The following CERS6 variants were observed in gnomAD, a reference collection of about 807,000 sequenced individuals.
CERS6 encodes the protein ceramide synthase 6, also known as LAG1 homolog, ceramide synthase 6.
CERS6 carries 26 observed loss-of-function variants against 56.8 expected under a neutral mutation model. That is an observed-to-expected ratio of 0.46 (90% CI 0.34 to 0.63). CERS6 has a LOEUF of 0.63. CERS6 is among the 30% of genes least tolerant of loss of function. The pLI, the probability that CERS6 is intolerant of heterozygous loss-of-function variation, is 0.01. For missense variants in CERS6, 415 were observed against 467.5 expected, an observed-to-expected ratio of 0.89 and a Z score of 1.04; for synonymous variants, 164 against 173.3, an observed-to-expected ratio of 0.95 and a Z score of 0.42.
intron 5 of CERS6, among the ~76,000 whole-genome samples, chr2:168,694,337 C>T (rs1406757067): frequency 6.6e-6 from 1 of 152,110 alleles, no homozygotes; most frequent in African/African-American, 2.4e-5. Context: ...AGTTTTATAC[C>T]TGCTGAGCTG....
Position 168,622,636 on chromosome 2 carries a change from A to G in CERS6, c.408-8349A>G, listed in dbSNP as rs75736102. ...TTTGACTGGAGAATGAAAAGTGAAT[A>G]GGTGAATGGGTTTGACTTACCTCCA... On this transcript the variant is annotated intron_variant, in intron 3 of 9. Transcript: ENST00000305747. Among the ~76,000 whole-genome samples the G allele has an allele frequency of 2.8e-3, 427 of 152,340 alleles. 4 individuals are homozygous for G. The highest frequency in any genetic ancestry group is 9.4e-3 in the African/African-American group (390 of 41,594).
intron 3 of CERS6, among the ~76,000 whole-genome samples, chr2:168,627,631 G>GT (rs34768130): frequency 2.8e-5 from 4 of 145,170 alleles, no homozygotes; most frequent in African/African-American, 5.0e-5. Context: ...GAACACTGAA[G>GT]TTTTTTTTTT....
chr2:168,464,209 T>TGTGTGTGTGA (rs1212516263), intron 1 of CERS6, among the ~76,000 whole-genome samples: 1 of 149,008 alleles, frequency 6.7e-6, no homozygotes, highest in Non-Finnish European at 1.5e-5. Flanking sequence ...TGTGTGTGTG[T>TGTGTGTGTGA]GTGACAAGGG....
intron 1 of CERS6, among the ~76,000 whole-genome samples, chr2:168,487,869 A>G (rs191086489): frequency 8.2e-4 from 125 of 152,240 alleles, no homozygotes; most frequent in Non-Finnish European, 1.1e-3. Context: ...CGTGTGTGCC[A>G]TGACATCCAG....
chr2:168,688,003 C>G (rs1686399641), intron 4 of CERS6, among the ~76,000 whole-genome samples: 1 of 152,112 alleles, frequency 6.6e-6, no homozygotes, highest in Non-Finnish European at 1.5e-5. Flanking sequence ...AATGACTGAC[C>G]CAAAATTTGG....
intron 3 of CERS6, among the ~76,000 whole-genome samples, chr2:168,585,598 G>A (rs1683522099): frequency 6.6e-6 from 1 of 152,238 alleles, no homozygotes. Context: ...CACCATGCCT[G>A]TGGTGTGGCA....
At chr2:168,677,465 G>A (rs1686093173) in intron 4 of CERS6, among the ~76,000 whole-genome samples, 2 of 152,060 alleles carry the variant, frequency 1.3e-5, no homozygotes, top group Admixed American at 6.5e-5. Context: ...TGTGAATAGT[G>A]CTGCGGTAAA....
chr2:168,680,871 CTG>C (rs1046562156), intron 4 of CERS6, among the ~76,000 whole-genome samples: 32 of 152,182 alleles, frequency 2.1e-4, no homozygotes, highest in Admixed American at 1.3e-4. Context: ...CTGTGATATT[CTG>C]TTATAGCAGC....
Position 168,631,844 on chromosome 2 carries a change from A to ATATATAT in CERS6, c.465+814_465+820dup, listed in dbSNP as rs1491229253. Among the ~76,000 whole-genome samples the ATATATAT allele has an allele frequency of 3.9e-5, 5 of 128,612 alleles. 1 individual carries two copies. The East Asian group carries it at 1.1e-3, about 29-fold the overall frequency. The allele number at this position is 128,612 out of a possible 152,430, so 84.4% of individuals were successfully genotyped here. ...TATATTATATAATATATATTATATA[A>ATATATAT]TATATATTATATATTATACATTTAT... On this transcript the variant is annotated intron_variant, in intron 4 of 9. Coordinates refer to ENST00000305747, the MANE Select transcript of CERS6 (RefSeq NM_203463.3).
chr2:168,698,236 GAAAAAAAAAAAAAAAAAAGAAAAA>G (rs201355417), intron 6 of CERS6, among the ~76,000 whole-genome samples: 631 of 124,948 alleles, frequency 5.1e-3, no homozygotes, highest in Non-Finnish European at 7.0e-3. Flanking sequence ...TGTCTCACAG[GAAAAAAAAAAAAAAAAAAGAAAAA>G]AAAAAAAAAA....
At chr2:168,696,270 A>G (rs1046090397) in intron 6 of CERS6, among the ~76,000 whole-genome samples, 1 of 152,158 alleles carries the variant, frequency 6.6e-6, no homozygotes, top group South Asian at 2.1e-4. Flanking sequence ...GTTCTTCTCC[A>G]GTAACCCTTA....
At chr2:168,645,473 T>G (rs1685176995) in intron 4 of CERS6, among the ~76,000 whole-genome samples, 1 of 151,966 alleles carries the variant, frequency 6.6e-6, no homozygotes, top group South Asian at 2.1e-4. Context: ...ACCCTGTTCC[T>G]TATTTTGCCT....
intron 1 of CERS6, among the ~76,000 whole-genome samples, chr2:168,538,141 C>G (rs1206099836): frequency 6.6e-6 from 1 of 151,662 alleles, no homozygotes; most frequent in African/African-American, 2.4e-5. Context: ...TCTGTCTGCT[C>G]TCAACAGAGG....
chr2:168,563,583 G>A (rs2105383482), intron 3 of CERS6, among the ~76,000 whole-genome samples: 1 of 152,288 alleles, frequency 6.6e-6, no homozygotes, highest in South Asian at 2.1e-4. Flanking sequence ...GGATCATGAG[G>A]TCAGGAGATC....
At chr2:168,619,103 A>G (rs1684396634) in intron 3 of CERS6, among the ~76,000 whole-genome samples, 1 of 152,188 alleles carries the variant, frequency 6.6e-6, no homozygotes, top group African/African-American at 2.4e-5. Context: ...ACAAAAACAT[A>G]AAGTGGGGAA....
At chr2:168,734,751 G>A (rs757288090) in intron 8 of CERS6, among the ~76,000 whole-genome samples, 5 of 152,174 alleles carry the variant, frequency 3.3e-5, no homozygotes, top group African/African-American at 1.2e-4. Context: ...AAAAACAAAA[G>A]CAACTAGGTT....
intron 8 of CERS6, among the ~76,000 whole-genome samples, chr2:168,760,588 GA>G (rs1191317194): frequency 2.6e-5 from 4 of 152,094 alleles, no homozygotes; most frequent in Non-Finnish European, 5.9e-5. Flanking sequence ...ATAGGTTCAT[GA>G]TGGCATCATT....
At chr2:168,735,181 TTCAG>T (rs1176346466) in intron 8 of CERS6, among the ~76,000 whole-genome samples, 1 of 152,314 alleles carries the variant, frequency 6.6e-6, no homozygotes, top group East Asian at 1.9e-4. Flanking sequence ...ACTTTGATTA[TTCAG>T]TCAGTGTAGG....
intron 4 of CERS6, chr2:168,644,456 A>G: frequency 1.8e-6 from 1 of 570,344 alleles, no homozygotes; most frequent in Non-Finnish European, 2.2e-6. Flanking sequence ...TTAGTAGGGA[A>G]AGCATAAAGA....
Sources: gnomAD v4.1 joint callset for allele counts (sites outside exome capture counted in the v4.1 genomes callset) on GRCh38, gnomAD v4.1.1 for gene constraint, MANE v1.5 for transcripts, NCBI Gene and HGNC (gene_info 2026-07-23, HGNC 2026-07-21) for gene names.